Variants in PAK3 observed in about 807,000 individuals in gnomAD.
PAK3 encodes the protein p21 (RAC1) activated kinase 3, also known as serine/threonine-protein kinase PAK 3.
Under a neutral mutation model 41.0 loss-of-function variants are expected in PAK3, and 4 were observed. That is an observed-to-expected ratio of 0.10 (90% CI 0.05 to 0.22). The LOEUF (loss-of-function observed/expected upper bound fraction) is 0.22. Ranked by LOEUF, PAK3 falls within the 10% of genes least tolerant of loss-of-function variation. The pLI is 1.00. For missense variants in PAK3, 205 were observed against 409.9 expected, an observed-to-expected ratio of 0.50 and a Z score of 4.32; for synonymous variants, 146 against 139.6, an observed-to-expected ratio of 1.05 and a Z score of -0.32.
At chrX:111,005,699 C>T (rs2091912536) in intron 1 of PAK3, among the ~76,000 whole-genome samples, 1 of 111,870 alleles carries the variant, frequency 8.9e-6, no homozygotes, top group South Asian at 3.7e-4. Context: ...GTTCTTTTCC[C>T]ACCATCTGCC....
In PAK3 at chrX:111,032,938, C is replaced by T. The variant is rs775407850; in HGVS notation, c.-28+88310C>T. Among the ~76,000 whole-genome samples, 6 of 111,327 alleles carry T rather than the reference C, an allele frequency of 5.4e-5. No individual in the cohort carries two copies. In the South Asian group the frequency reaches 1.9e-3, roughly 36 times the overall value. On this transcript the variant is annotated intron_variant, in intron 1 of 14. Transcript: ENST00000425146. ...GTCTTCTTTCCCCTCATTACTAACC[C>T]GCAGGAAGGTACACTTGGGCATATA...
intron 1 of PAK3, among the ~76,000 whole-genome samples, chrX:110,970,622 G>A (rs367682211): frequency 9.9e-5 from 11 of 111,158 alleles, no homozygotes; most frequent in African/African-American, 3.6e-4. Context: ...AGGAGGGAGA[G>A]CATTAGGAAA....
At chrX:111,196,031 G>A in intron 15 of PAK3, 90 bp downstream of exon 15, 1 of 633,909 alleles carries the variant, frequency 1.6e-6, no homozygotes, top group South Asian at 2.3e-5. Flanking sequence ...TACTGAAAGT[G>A]ATTTATTTGA....
chrX:111,163,821 T>C (rs760880591), intron 10 of PAK3, 94 bp downstream of exon 10: 1 of 710,243 alleles, frequency 1.4e-6, no homozygotes, highest in East Asian at 3.3e-5. Flanking sequence ...TTTAATCTGC[T>C]TATATGAACT....
chrX:111,138,780 A>G (rs1168158909), intron 5 of PAK3, among the ~76,000 whole-genome samples: 1 of 111,191 alleles, frequency 9.0e-6, no homozygotes, highest in Non-Finnish European at 1.9e-5. Context: ...GCCCTTGGAT[A>G]TCATGCTAAG....
chrX:111,056,375 G>C (rs16986334), intron 1 of PAK3, among the ~76,000 whole-genome samples: 5,191 of 111,439 alleles, frequency 0.047, 295 homozygotes, highest in African/African-American at 0.16. Flanking sequence ...CCAAGTTTTG[G>C]TCTGCCACAT....
rs1365399767 is a variant in PAK3, at chrX:111,223,331, G to A, written c.*2884G>A. 9.1e-6 allele frequency: 1 copy of A among 109,463 alleles called. No homozygotes were observed. The highest frequency in any genetic ancestry group is 1.9e-5 in the Non-Finnish European group (1 of 52,704). 9.0% of individuals were successfully genotyped at this position (109,463 alleles called of 1,213,427 possible). On this transcript the variant is annotated 3_prime_UTR_variant, in exon 18 of 18. Transcript: ENST00000372007. ...ATTTAAAAAAGGAAAGAACGTTAAT[G>A]TTGTTAGCAAGGATCCAGTGCGTTG...
At chrX:111,068,608 T>A (rs1189184980) in intron 1 of PAK3, among the ~76,000 whole-genome samples, 2 of 112,867 alleles carry the variant, frequency 1.8e-5, no homozygotes, top group Admixed American at 1.9e-4. Flanking sequence ...GACCCATGGG[T>A]CTATCTTACT....
chrX:111,061,158 TG>T (rs1029769358), intron 1 of PAK3, among the ~76,000 whole-genome samples: 2 of 112,161 alleles, frequency 1.8e-5, no homozygotes, highest in African/African-American at 6.5e-5. Flanking sequence ...AATTTATTTT[TG>T]CAAATGGTAT....
intron 7 of PAK3, among the ~76,000 whole-genome samples, chrX:111,150,499 G>A (rs1198395391): frequency 8.9e-6 from 1 of 111,862 alleles, no homozygotes; most frequent in African/African-American, 3.3e-5. Flanking sequence ...ACATGGCTGG[G>A]GAGGCCTCAG....
In PAK3 at chrX:111,147,907, G is replaced by A. The variant is rs991950540; in HGVS notation, c.430+17G>A. The A allele has an allele frequency of 3.4e-6, 4 of 1,163,794 alleles. No individual in the cohort carries two copies. The Admixed American group carries it at 8.7e-5, about 25-fold the overall frequency. ...CATCAGGAGGTAAGAGGAAGTCTGT[G>A]GTATCAAAGGTGAAAAAGTAATTTC... On this transcript the variant is annotated intron_variant, in intron 7 of 17. Transcript: ENST00000372007.
At chrX:111,160,832 A>G (rs775817301) in intron 8 of PAK3, among the ~76,000 whole-genome samples, 19 of 111,794 alleles carry the variant, frequency 1.7e-4, no homozygotes, top group African/African-American at 5.9e-4. Flanking sequence ...TCCATGGTGT[A>G]TATGTGCCAC....
chrX:110,950,197 A>G (rs1420830418), intron 1 of PAK3, among the ~76,000 whole-genome samples: 1 of 111,742 alleles, frequency 8.9e-6, no homozygotes, highest in Admixed American at 9.5e-5. Context: ...TATGATGTAG[A>G]ATGTTCCTTC....
chrX:111,125,438 G>T (rs1569367776), intron 5 of PAK3, among the ~76,000 whole-genome samples: 1 of 111,491 alleles, frequency 9.0e-6, no homozygotes, highest in African/African-American at 3.3e-5. Flanking sequence ...GTCTCCAGAG[G>T]TTATTATCAT....
chrX:111,201,828 AT>A (rs1290797927), intron 16 of PAK3, among the ~76,000 whole-genome samples: 2 of 110,862 alleles, frequency 1.8e-5, no homozygotes, highest in East Asian at 2.8e-4. Context: ...TAGGAAAAAA[AT>A]ATATATGTAT....
intron 4 of PAK3, among the ~76,000 whole-genome samples, chrX:111,115,861 C>T (rs747480450): frequency 1.0e-3 from 111 of 111,058 alleles, no homozygotes; most frequent in African/African-American, 3.2e-3. Context: ...CTGTAGAAAG[C>T]TGATTTGGGT....
intron 7 of PAK3, among the ~76,000 whole-genome samples, chrX:111,148,526 G>A (rs1460970241): frequency 1.8e-5 from 2 of 111,591 alleles, no homozygotes; most frequent in African/African-American, 6.5e-5. Context: ...GTCCAAGACT[G>A]GGAAGAAAAA....
intron 5 of PAK3, among the ~76,000 whole-genome samples, chrX:111,124,808 G>C (rs773140794): frequency 9.0e-6 from 1 of 110,846 alleles, no homozygotes; most frequent in South Asian, 3.9e-4. Context: ...AAGCCCAGAT[G>C]AATCTTCCTC....
At chrX:110,965,008 G>A (rs1331710168) in intron 1 of PAK3, among the ~76,000 whole-genome samples, 2 of 111,935 alleles carry the variant, frequency 1.8e-5, no homozygotes, top group African/African-American at 6.5e-5. Context: ...CTTTACCAGT[G>A]CCAGACCCCC....
Sources: gnomAD v4.1 joint callset for allele counts (sites outside exome capture counted in the v4.1 genomes callset) on GRCh38, gnomAD v4.1.1 for gene constraint, MANE v1.5 for transcripts, NCBI Gene and HGNC (gene_info 2026-07-23, HGNC 2026-07-21) for gene names.